ST6GALNAC3: variants seen among roughly 807,000 people sequenced by gnomAD.
ST6GALNAC3 encodes the protein ST6 N-acetylgalactosaminide alpha-2,6-sialyltransferase 3.
In ST6GALNAC3, 25 loss-of-function variants were observed where a neutral mutation model predicts 32.7. The ratio of observed to expected loss-of-function variants is 0.76; its 90% CI spans 0.56 to 1.07. The LOEUF (loss-of-function observed/expected upper bound fraction) is 1.07. Among genes scored for constraint, ST6GALNAC3 ranks in the 50% least tolerant of loss-of-function variants. ST6GALNAC3 has a pLI of 0.00. For synonymous variants in ST6GALNAC3, 129 were observed against 133.1 expected (o/e 0.97, Z 0.21); for missense variants, 355 against 382.4 (o/e 0.93, Z 0.60).
chr1:76,102,885 G>A (rs1232315929), intron 1 of ST6GALNAC3, among the ~76,000 whole-genome samples: 1 of 151,794 alleles, frequency 6.6e-6, no homozygotes, highest in Non-Finnish European at 1.5e-5. Flanking sequence ...TTCCTTTATT[G>A]TAGGTCTGTT....
At chr1:76,168,734 T>C (rs1214586226) in intron 1 of ST6GALNAC3, among the ~76,000 whole-genome samples, 1 of 152,212 alleles carries the variant, frequency 6.6e-6, no homozygotes, top group East Asian at 1.9e-4. Context: ...CTTCTTTGTC[T>C]TTTTATCTTT....
chr1:76,089,612 G>A (rs1414675584), intron 1 of ST6GALNAC3, among the ~76,000 whole-genome samples: 1 of 152,214 alleles, frequency 6.6e-6, no homozygotes, highest in Non-Finnish European at 1.5e-5. Context: ...TGTACAGGTT[G>A]TTAAATTTTC....
chr1:76,522,558 C>A (rs939148037), intron 3 of ST6GALNAC3, among the ~76,000 whole-genome samples: 2 of 152,058 alleles, frequency 1.3e-5, no homozygotes, highest in Non-Finnish European at 2.9e-5. Flanking sequence ...CAGCTTGGTA[C>A]TGTATGTATC....
intron 1 of ST6GALNAC3, among the ~76,000 whole-genome samples, chr1:76,308,857 G>A (rs1347638260): frequency 6.6e-6 from 1 of 152,092 alleles, no homozygotes. Context: ...ACAGTTGATT[G>A]CATCCAACTT....
chr1:76,414,937 A>G (rs1654512706), intron 3 of ST6GALNAC3, among the ~76,000 whole-genome samples: 1 of 152,022 alleles, frequency 6.6e-6, no homozygotes, highest in African/African-American at 2.4e-5. Flanking sequence ...TAGGATTAGC[A>G]TAAGGTTTAT....
intron 1 of ST6GALNAC3, among the ~76,000 whole-genome samples, chr1:76,128,335 C>G (rs1168468661): frequency 6.6e-6 from 1 of 152,220 alleles, no homozygotes; most frequent in Non-Finnish European, 1.5e-5. Flanking sequence ...ACACCCCGTT[C>G]CCTCCTCAAG....
chr1:76,133,125 C>T (rs1649721260), intron 1 of ST6GALNAC3, among the ~76,000 whole-genome samples: 1 of 152,154 alleles, frequency 6.6e-6, no homozygotes, highest in African/African-American at 2.4e-5. Context: ...CTGCTGGAGT[C>T]ACTTGGGTCT....
intron 2 of ST6GALNAC3, among the ~76,000 whole-genome samples, chr1:76,318,814 A>T (rs1646915779): frequency 6.6e-6 from 1 of 152,170 alleles, no homozygotes; most frequent in Non-Finnish European, 1.5e-5. Context: ...TAAATTATTA[A>T]TTATAGCAGA....
chr1:76,107,012 G>T (rs545165519), intron 1 of ST6GALNAC3, among the ~76,000 whole-genome samples: 15 of 152,254 alleles, frequency 9.9e-5, no homozygotes, highest in African/African-American at 3.4e-4. Context: ...GAGCCAGAAG[G>T]GTAATTACCA....
At chr1:76,495,816 A>G (rs944688161) in intron 3 of ST6GALNAC3, among the ~76,000 whole-genome samples, 1 of 152,188 alleles carries the variant, frequency 6.6e-6, no homozygotes, top group African/African-American at 2.4e-5. Flanking sequence ...GGAAAGAACT[A>G]CAGAACGAAA....
intron 3 of ST6GALNAC3, among the ~76,000 whole-genome samples, chr1:76,471,577 G>A (rs1302959940): frequency 1.3e-5 from 2 of 152,046 alleles, no homozygotes; most frequent in African/African-American, 4.8e-5. Flanking sequence ...CATTTATTGA[G>A]CACTAGCACT....
chr1:76,120,250 G>C (rs1232996210), intron 1 of ST6GALNAC3, among the ~76,000 whole-genome samples: 2 of 152,180 alleles, frequency 1.3e-5, no homozygotes, highest in African/African-American at 2.4e-5. Context: ...CTGAGGGTGG[G>C]ATTTTCCTTA....
intron 3 of ST6GALNAC3, among the ~76,000 whole-genome samples, chr1:76,434,349 T>C (rs1655981213): frequency 6.6e-6 from 1 of 152,206 alleles, no homozygotes; most frequent in African/African-American, 2.4e-5. Context: ...AACTGTCATG[T>C]TTTAAGCACT....
chr1:76,370,659 C>A (rs1019040185), intron 2 of ST6GALNAC3, among the ~76,000 whole-genome samples: 2 of 152,040 alleles, frequency 1.3e-5, no homozygotes, highest in Non-Finnish European at 2.9e-5. Context: ...GTAAGATGAA[C>A]CATCACTTTT....
chr1:76,282,150 A>G (rs1659533422), intron 1 of ST6GALNAC3, among the ~76,000 whole-genome samples: 1 of 151,506 alleles, frequency 6.6e-6, no homozygotes, highest in Admixed American at 6.6e-5. Context: ...CTTGCTGAAG[A>G]GTTCTGGTTT....
intron 2 of ST6GALNAC3, among the ~76,000 whole-genome samples, chr1:76,333,392 G>C (rs1647240365): frequency 6.6e-6 from 1 of 152,174 alleles, no homozygotes; most frequent in Non-Finnish European, 1.5e-5. Context: ...TCAATGACTG[G>C]AAGTATTTGT....
intron 2 of ST6GALNAC3, among the ~76,000 whole-genome samples, chr1:76,400,795 T>C (rs944573537): frequency 6.6e-6 from 1 of 151,798 alleles, no homozygotes; most frequent in African/African-American, 2.4e-5. Flanking sequence ...CTCGGGAGGC[T>C]GAGGCAGGAG....
intron 2 of ST6GALNAC3, among the ~76,000 whole-genome samples, chr1:76,402,602 G>T (rs1653511351): frequency 6.6e-6 from 1 of 152,210 alleles, no homozygotes; most frequent in South Asian, 2.1e-4. Context: ...CATATCTATA[G>T]TTTGTAAATT....
At chr1:76,541,201 G>A (rs1025032193) in intron 3 of ST6GALNAC3, among the ~76,000 whole-genome samples, 9 of 152,156 alleles carry the variant, frequency 5.9e-5, no homozygotes, top group African/African-American at 1.7e-4. Context: ...ATTACAGAAG[G>A]TCTGTCTATT....
Sources: gnomAD v4.1 joint callset for allele counts (sites outside exome capture counted in the v4.1 genomes callset) on GRCh38, gnomAD v4.1.1 for gene constraint, MANE v1.5 for transcripts, NCBI Gene and HGNC (gene_info 2026-07-23, HGNC 2026-07-21) for gene names.